LINGO2: variants seen among roughly 807,000 people sequenced by gnomAD.
The protein encoded by LINGO2 is leucine rich repeat and Ig domain containing 2.
Under a neutral mutation model 30.6 loss-of-function variants are expected in LINGO2, and 14 were observed. The ratio of observed to expected loss-of-function variants is 0.46; its 90% CI spans 0.30 to 0.72. The LOEUF (loss-of-function observed/expected upper bound fraction) is 0.72, where lower values mean the gene tolerates loss of function less well. Among genes scored for constraint, LINGO2 ranks in the 30% least tolerant of loss-of-function variants. LINGO2 has a pLI of 0.07. For missense variants in LINGO2, 729 were observed against 751.7 expected (o/e 0.97, Z 0.35); for synonymous variants, 317 against 288.5 (o/e 1.10, Z -1.00).
At chr9:29,091,112 T>C in the LINGO2 span, among the ~76,000 whole-genome samples, 1 of 152,092 alleles carries the variant, frequency 6.6e-6, no homozygotes, top group Admixed American at 6.6e-5. Context: ...ACATTCATGA[T>C]ATTGGTTGAA....
chr9:28,545,591 G>A (rs956650151), intron 1 of LINGO2, among the ~76,000 whole-genome samples: 1 of 151,948 alleles, frequency 6.6e-6, no homozygotes, highest in Non-Finnish European at 1.5e-5. Flanking sequence ...AAAGAAGTAT[G>A]TATTTAGTTA....
chr9:29,034,926 G>A, the LINGO2 span, among the ~76,000 whole-genome samples: 2 of 152,048 alleles, frequency 1.3e-5, no homozygotes, highest in Admixed American at 1.3e-4. Context: ...TCCTACTTTA[G>A]AAAGGTGAAC....
chr9:28,321,801 A>G (rs2134302957), intron 3 of LINGO2, among the ~76,000 whole-genome samples: 1 of 152,308 alleles, frequency 6.6e-6, no homozygotes, highest in East Asian at 1.9e-4. Context: ...GGACAAGGTC[A>G]GGGCCCACCC....
chr9:28,625,193 T>C (rs1307702322), intron 1 of LINGO2, among the ~76,000 whole-genome samples: 2 of 152,070 alleles, frequency 1.3e-5, no homozygotes, highest in Non-Finnish European at 1.5e-5. Context: ...TTAGGGCTGG[T>C]CCAAATGCTC....
At chr9:28,387,940 T>C (rs971188864) in intron 2 of LINGO2, among the ~76,000 whole-genome samples, 1 of 151,884 alleles carries the variant, frequency 6.6e-6, no homozygotes, top group Non-Finnish European at 1.5e-5. Context: ...ACGGCGAGGG[T>C]CTGCAGCTTC....
At chr9:28,796,966 A>G in the LINGO2 span, among the ~76,000 whole-genome samples, 1 of 151,734 alleles carries the variant, frequency 6.6e-6, no homozygotes, top group African/African-American at 2.4e-5. Flanking sequence ...TGTGTGTTTT[A>G]GACTGCACAT....
chr9:28,779,379 A>G, the LINGO2 span, among the ~76,000 whole-genome samples: 2 of 152,064 alleles, frequency 1.3e-5, no homozygotes. Flanking sequence ...TCAACAATCC[A>G]TCTTGGCTCA....
intron 2 of LINGO2, among the ~76,000 whole-genome samples, chr9:28,473,038 A>T (rs1342103300): frequency 6.6e-6 from 1 of 152,070 alleles, no homozygotes; most frequent in Non-Finnish European, 1.5e-5. Flanking sequence ...CTGAGACTTT[A>T]ATTTTCCATG....
chr9:28,581,645 A>C (rs998119397), intron 1 of LINGO2, among the ~76,000 whole-genome samples: 2 of 151,788 alleles, frequency 1.3e-5, no homozygotes, highest in African/African-American at 4.8e-5. Context: ...TATGTTCAAA[A>C]ATAGATTCTT....
chr9:29,015,215 T>A, the LINGO2 span, among the ~76,000 whole-genome samples: 1 of 152,196 alleles, frequency 6.6e-6, no homozygotes, highest in Admixed American at 6.5e-5. Context: ...GCTACTTGGG[T>A]GATGGATACC....
chr9:27,950,252 C>A, exon 6 of LINGO2: 2 of 1,614,062 alleles, frequency 1.2e-6, no homozygotes, highest in East Asian at 2.2e-5. Context: ...AAATGACAAT[C>A]TTATTCTCAC....
chr9:28,483,383 C>G (rs1010287983), intron 1 of LINGO2, among the ~76,000 whole-genome samples: 1 of 151,950 alleles, frequency 6.6e-6, no homozygotes, highest in Admixed American at 6.6e-5. Flanking sequence ...TGGCACTCAG[C>G]AAGATATTGG....
the LINGO2 span, among the ~76,000 whole-genome samples, chr9:29,191,424 T>A: frequency 6.6e-6 from 1 of 152,134 alleles, no homozygotes; most frequent in African/African-American, 2.4e-5. Context: ...TTAGTCATAA[T>A]ATACATATAC....
chr9:28,078,884 C>T (rs1017596349), intron 4 of LINGO2, among the ~76,000 whole-genome samples: 1 of 148,022 alleles, frequency 6.8e-6, no homozygotes, highest in Non-Finnish European at 1.5e-5. Context: ...CTACTGAAAT[C>T]TTATAGGCCA....
At chr9:28,360,842 A>G (rs1820411333) in intron 3 of LINGO2, among the ~76,000 whole-genome samples, 1 of 152,186 alleles carries the variant, frequency 6.6e-6, no homozygotes, top group African/African-American at 2.4e-5. Context: ...ATTCCTGAGT[A>G]TGACCTCCAA....
chr9:28,897,835 TTAA>T, the LINGO2 span, among the ~76,000 whole-genome samples: 1 of 152,158 alleles, frequency 6.6e-6, no homozygotes, highest in Non-Finnish European at 1.5e-5. Flanking sequence ...CTCCTGATTC[TTAA>T]TAAATACTTT....
the LINGO2 span, among the ~76,000 whole-genome samples, chr9:29,027,575 T>C: frequency 6.6e-6 from 1 of 152,124 alleles, no homozygotes; most frequent in Admixed American, 6.5e-5. Flanking sequence ...TGACCCCAAG[T>C]GATCAGCTCA....
At chr9:28,955,117 G>A in the LINGO2 span, among the ~76,000 whole-genome samples, 1 of 152,030 alleles carries the variant, frequency 6.6e-6, no homozygotes, top group East Asian at 1.9e-4. Flanking sequence ...TATAGGGAGA[G>A]AAGGAGGAAA....
At chr9:28,997,874 G>A in the LINGO2 span, among the ~76,000 whole-genome samples, 4 of 151,130 alleles carry the variant, frequency 2.6e-5, no homozygotes, top group African/African-American at 9.7e-5. Context: ...TAATTCGTTT[G>A]TCACTTATGT....
Sources: allele counts gnomAD v4.1 joint callset (sites outside exome capture counted in the v4.1 genomes callset), GRCh38; gene constraint gnomAD v4.1.1; transcripts MANE v1.5; gene names NCBI Gene and HGNC (gene_info 2026-07-23, HGNC 2026-07-21).